PKIA: variants seen among roughly 807,000 people sequenced by gnomAD.
PKIA encodes the protein PKI-alpha.
PKIA carries 4 observed loss-of-function variants against 7.6 expected under a neutral mutation model. The ratio of observed to expected loss-of-function variants is 0.52; its 90% CI spans 0.26 to 1.20. The LOEUF is 1.20. Ranked by LOEUF, PKIA falls within the 50% of genes most tolerant of loss-of-function variation. The pLI, the probability that PKIA is intolerant of heterozygous loss-of-function variation, is 0.13. For synonymous variants in PKIA, 21 were observed against 30.7 expected (o/e 0.68, Z 1.04); for missense variants, 73 against 86.2 (o/e 0.85, Z 0.61).
At chr8:78,549,300 T>C (rs1251902664) in intron 1 of PKIA, among the ~76,000 whole-genome samples, 2 of 151,944 alleles carry the variant, frequency 1.3e-5, no homozygotes, top group African/African-American at 4.8e-5. Context: ...ACTAAAACTT[T>C]TTTTGGAAGA....
chr8:78,520,116 C>A (rs1369321442), intron 1 of PKIA, among the ~76,000 whole-genome samples: 1 of 152,108 alleles, frequency 6.6e-6, no homozygotes, highest in African/African-American at 2.4e-5. Context: ...TATAGGTGTT[C>A]AGCAATTTGA....
At chr8:78,524,049 T>C (rs1234858084) in intron 1 of PKIA, among the ~76,000 whole-genome samples, 2 of 131,902 alleles carry the variant, frequency 1.5e-5, no homozygotes, top group African/African-American at 2.9e-5. Context: ...TATATATAAA[T>C]ATATATAAAC....
intron 1 of PKIA, among the ~76,000 whole-genome samples, chr8:78,519,638 C>T (rs1190929064): frequency 6.6e-6 from 1 of 152,030 alleles, no homozygotes; most frequent in Non-Finnish European, 1.5e-5. Flanking sequence ...TCACCCTGTT[C>T]ATTTTATAAG....
intron 2 of PKIA, among the ~76,000 whole-genome samples, chr8:78,593,104 T>C (rs1808142732): frequency 6.6e-6 from 1 of 152,184 alleles, no homozygotes; most frequent in Admixed American, 6.5e-5. Flanking sequence ...TGAGAAATAA[T>C]AGCACTCGTG....
intron 1 of PKIA, among the ~76,000 whole-genome samples, chr8:78,536,940 C>G (rs1034487867): frequency 1.3e-5 from 2 of 151,048 alleles, no homozygotes; most frequent in Non-Finnish European, 2.9e-5. Flanking sequence ...TCAGTCAACT[C>G]CCATATCTGA....
Position 78,525,654 on chromosome 8 carries a change from A to C in PKIA, c.-157+9186A>C, listed in dbSNP as rs113768888. Among the ~76,000 whole-genome samples the C allele has an allele frequency of 9.9e-3, 1,509 of 152,184 alleles. 23 individuals are homozygous for C. The highest frequency in any genetic ancestry group is 0.035 in the African/African-American group (1,435 of 41,538). On this transcript the variant is annotated intron_variant, in intron 1 of 3. Coordinates refer to ENST00000396418, the MANE Select transcript of PKIA (RefSeq NM_006823.4). ...GCAAAGCAATTAGGTTAATCTCAAA[A>C]TGTCTGACTGTAAAGTTGTAACAAT...
Position 78,547,549 on chromosome 8 carries a change from C to A in PKIA, c.-156-25262C>A, listed in dbSNP as rs77652666. 5.9e-3 allele frequency among the ~76,000 whole-genome samples: 901 copies of A among 152,096 alleles called. 5 individuals carry two copies. The highest frequency in any genetic ancestry group is 8.8e-3 in the Non-Finnish European group (601 of 67,988). On this transcript the variant is annotated intron_variant, in intron 1 of 3. Transcript: ENST00000396418. The stretch of plus-strand genomic sequence containing the variant: ...ACAAATGAGGAAAATATAAATCTAC[C>A]AAAATCATTCTGTAAAACCATTCCT...
intron 1 of PKIA, among the ~76,000 whole-genome samples, chr8:78,520,321 C>G (rs911730495): frequency 6.6e-6 from 1 of 152,056 alleles, no homozygotes; most frequent in African/African-American, 2.4e-5. Context: ...CTTAAATGTC[C>G]TTAAATGGAT....
chr8:78,554,547 T>C (rs904208740), intron 1 of PKIA, among the ~76,000 whole-genome samples: 4 of 151,994 alleles, frequency 2.6e-5, no homozygotes, highest in African/African-American at 9.7e-5. Context: ...GAGAATTCCC[T>C]GCAAATTGTA....
In PKIA at chr8:78,553,661, T is replaced by G. The variant is rs112729674; in HGVS notation, c.-156-19150T>G. Among the ~76,000 whole-genome samples the G allele has an allele frequency of 8.8e-4, 134 of 152,080 alleles. 2 individuals are homozygous for G. The highest frequency in any genetic ancestry group is 3.0e-3 in the African/African-American group (124 of 41,550). ...CTGCCAATTTTTGGTCCCTGAAAGC[T>G]GAAAACGTGCAGATGCAGACAGATG... On this transcript the variant is annotated intron_variant, in intron 1 of 3. Coordinates refer to ENST00000396418, the MANE Select transcript of PKIA (RefSeq NM_006823.4).
intron 1 of PKIA, among the ~76,000 whole-genome samples, chr8:78,571,976 C>G (rs1049724813): frequency 6.6e-6 from 1 of 151,170 alleles, no homozygotes; most frequent in African/African-American, 2.4e-5. Context: ...AAAGAGAGAT[C>G]ATGTCATTTG....
intron 1 of PKIA, among the ~76,000 whole-genome samples, chr8:78,531,045 A>G (rs1806375436): frequency 6.6e-6 from 1 of 152,068 alleles, no homozygotes; most frequent in African/African-American, 2.4e-5. Context: ...AAGCATTTAT[A>G]TTTTTAATTT....
At chr8:78,570,024 C>T (rs548207758) in intron 1 of PKIA, among the ~76,000 whole-genome samples, 2 of 152,166 alleles carry the variant, frequency 1.3e-5, no homozygotes, top group South Asian at 4.2e-4. Flanking sequence ...TGGGTAGGAA[C>T]TCAGGAACCT....
At chr8:78,518,202 G>C (rs1809351603) in intron 1 of PKIA, among the ~76,000 whole-genome samples, 1 of 152,174 alleles carries the variant, frequency 6.6e-6, no homozygotes. Context: ...GGTGTAGGGG[G>C]TGGGCAAAGC....
intron 1 of PKIA, among the ~76,000 whole-genome samples, chr8:78,566,836 A>G (rs1807427304): frequency 6.6e-6 from 1 of 152,168 alleles, no homozygotes; most frequent in African/African-American, 2.4e-5. Flanking sequence ...CAATAATCTT[A>G]AAGAAGATTA....
intron 2 of PKIA, among the ~76,000 whole-genome samples, chr8:78,592,546 A>T (rs1808127330): frequency 6.6e-6 from 1 of 152,166 alleles, no homozygotes; most frequent in African/African-American, 2.4e-5. Flanking sequence ...TCTTTCATTC[A>T]ATTGAAATGA....
intron 2 of PKIA, among the ~76,000 whole-genome samples, chr8:78,584,535 A>G (rs1031842798): frequency 2.0e-5 from 3 of 152,148 alleles, no homozygotes; most frequent in Admixed American, 6.6e-5. Context: ...AGCCTAGAAG[A>G]TAAGCACCAG....
rs965989177 is a variant in PKIA, at chr8:78,603,385, A to G, written c.*1564A>G. 6.6e-6 allele frequency: 1 copy of G among 152,070 alleles called. No homozygotes were observed. Among genetic ancestry groups the G allele is most frequent in the African/African-American group, 2.4e-5 (1 of 41,408 alleles). 9.4% of individuals were successfully genotyped at this position (152,070 alleles called of 1,614,324 possible). A position where few individuals can be genotyped will look rare whatever the true frequency, so the allele number is the denominator to read the frequency against. On this transcript the variant is annotated 3_prime_UTR_variant, in exon 4 of 4. Coordinates refer to ENST00000396418, the MANE Select transcript of PKIA (RefSeq NM_006823.4). The stretch of plus-strand genomic sequence containing the variant: ...GTTGTGCCAGAAACTCAGCCCTTCT[A>G]TGTAATTACATACAGGATAAAAGGT...
chr8:78,572,885 GA>G lies in PKIA; in HGVS notation c.-76del, dbSNP rs1807586774. On this transcript the variant is annotated 5_prime_UTR_variant, in exon 2 of 4. Transcript: ENST00000396418. The stretch of plus-strand genomic sequence containing the variant: ...ATAGAAATCTGAAGGTCATCTCCAA[GA>G]AAAAAGAGATCTAGTATAGTCAATG... The G allele has an allele frequency of 6.6e-6, 1 of 151,684 alleles. No homozygotes were observed. The highest frequency in any genetic ancestry group is 1.9e-4 in the East Asian group (1 of 5,180). 9.4% of individuals were successfully genotyped at this position (151,684 alleles called of 1,614,324 possible).
Sources: allele counts gnomAD v4.1 joint callset (sites outside exome capture counted in the v4.1 genomes callset), GRCh38; gene constraint gnomAD v4.1.1; transcripts MANE v1.5; gene names NCBI Gene and HGNC (gene_info 2026-07-23, HGNC 2026-07-21).